Variants in GALNT13 observed in about 807,000 individuals in gnomAD.
GALNT13 encodes polypeptide N-acetylgalactosaminyltransferase 13.
In GALNT13, 28 loss-of-function variants were observed where a neutral mutation model predicts 64.2. That is an observed-to-expected ratio of 0.44 (90% CI 0.32 to 0.60). The LOEUF (loss-of-function observed/expected upper bound fraction) is 0.60. GALNT13 is among the 20% of genes least tolerant of loss of function. The probability of loss-of-function intolerance (pLI) is 0.05; values close to 1 mark genes in which losing one functional copy is unlikely to be tolerated. For synonymous variants in GALNT13, 214 were observed against 224.6 expected, an observed-to-expected ratio of 0.95 and a Z score of 0.42; for missense variants, 577 against 669.8, an observed-to-expected ratio of 0.86 and a Z score of 1.53.
At chr2:153,161,887 T>C in the GALNT13 span, among the ~76,000 whole-genome samples, 2 of 152,202 alleles carry the variant, frequency 1.3e-5, no homozygotes, top group Non-Finnish European at 2.9e-5. Flanking sequence ...TTATGATACT[T>C]GATTATCTAA....
chr2:154,001,923 G>A (rs1323699851), intron 3 of GALNT13, among the ~76,000 whole-genome samples: 2 of 151,880 alleles, frequency 1.3e-5, no homozygotes, highest in Non-Finnish European at 1.5e-5. Context: ...TAGCTTTTCT[G>A]GGTATAATAT....
the GALNT13 span, among the ~76,000 whole-genome samples, chr2:153,358,498 T>C: frequency 5.9e-5 from 9 of 152,146 alleles, no homozygotes; most frequent in Non-Finnish European, 8.8e-5. Context: ...CCTGCACCAA[T>C]GAAGAATTTT....
intron 4 of GALNT13, among the ~76,000 whole-genome samples, chr2:154,228,033 A>G (rs768648787): frequency 2.0e-5 from 3 of 152,016 alleles, no homozygotes; most frequent in Non-Finnish European, 2.9e-5. Context: ...TGATGTTAAC[A>G]TTGTTCTCAA....
At chr2:153,793,657 A>T in the GALNT13 span, among the ~76,000 whole-genome samples, 4 of 116,426 alleles carry the variant, frequency 3.4e-5, no homozygotes, top group African/African-American at 5.7e-5. Flanking sequence ...TTTGCTTTAA[A>T]AAAAAAAAAA....
chr2:154,076,769 C>T (rs1227279170), intron 3 of GALNT13, among the ~76,000 whole-genome samples: 1 of 151,534 alleles, frequency 6.6e-6, no homozygotes, highest in African/African-American at 2.4e-5. Flanking sequence ...AAACATTATA[C>T]TATTGGGTAG....
At chr2:154,201,286 A>T (rs1687154240) in intron 4 of GALNT13, among the ~76,000 whole-genome samples, 1 of 152,096 alleles carries the variant, frequency 6.6e-6, no homozygotes, top group South Asian at 2.1e-4. Context: ...TGAGAGAATA[A>T]TTCTGTCTAG....
At chr2:154,332,729 G>A (rs913073617) in intron 9 of GALNT13, among the ~76,000 whole-genome samples, 3 of 152,028 alleles carry the variant, frequency 2.0e-5, no homozygotes, top group Non-Finnish European at 4.4e-5. Flanking sequence ...CTTTCCCAGA[G>A]AAATGTTACT....
At chr2:154,297,923 TG>T (rs945423635) in intron 8 of GALNT13, among the ~76,000 whole-genome samples, 2 of 151,316 alleles carry the variant, frequency 1.3e-5, no homozygotes, top group Non-Finnish European at 2.9e-5. Context: ...AGAACAGGGG[TG>T]AATCAACAAA....
the GALNT13 span, among the ~76,000 whole-genome samples, chr2:153,423,107 T>C: frequency 6.6e-6 from 1 of 151,866 alleles, no homozygotes; most frequent in Admixed American, 6.6e-5. Flanking sequence ...GATATAAAAA[T>C]AATAGCTTAA....
the GALNT13 span, among the ~76,000 whole-genome samples, chr2:153,332,612 C>T: frequency 0.66 from 100,237 of 150,774 alleles, 34,444 homozygotes; most frequent in Non-Finnish European, 0.75. Flanking sequence ...AGGCTTTGCC[C>T]CTATATCCCT....
intron 4 of GALNT13, among the ~76,000 whole-genome samples, chr2:154,220,730 T>C (rs185233371): frequency 6.6e-6 from 1 of 152,214 alleles, no homozygotes; most frequent in Non-Finnish European, 1.5e-5. Flanking sequence ...AATCATCTTA[T>C]AACAATCAAG....
chr2:153,177,145 T>TGTG, the GALNT13 span, among the ~76,000 whole-genome samples: 152,091 of 152,196 alleles, frequency 1, 75,993 homozygotes, highest in Middle Eastern at 1. Context: ...ATGCAAAACA[T>TGTG]GGAGTAAAAT....
the GALNT13 span, among the ~76,000 whole-genome samples, chr2:153,823,504 A>G: frequency 1.3e-5 from 2 of 152,196 alleles, no homozygotes; most frequent in Non-Finnish European, 2.9e-5. Context: ...AGTTGACAAA[A>G]GCAAACAATG....
At chr2:153,754,978 C>CA in the GALNT13 span, among the ~76,000 whole-genome samples, 1 of 152,094 alleles carries the variant, frequency 6.6e-6, no homozygotes, top group East Asian at 1.9e-4. Context: ...AACAGGATAG[C>CA]ACTGTGTTCA....
At chr2:153,355,624 C>T in the GALNT13 span, among the ~76,000 whole-genome samples, 1 of 152,248 alleles carries the variant, frequency 6.6e-6, no homozygotes, top group South Asian at 2.1e-4. Flanking sequence ...TCAGTTTCAT[C>T]CAGTTACTAA....
chr2:153,323,340 T>TG, the GALNT13 span, among the ~76,000 whole-genome samples: 1,368 of 151,382 alleles, frequency 9.0e-3, 25 homozygotes, highest in East Asian at 0.085. Context: ...TTGATAGGGT[T>TG]TTTTTTTCTT....
the GALNT13 span, among the ~76,000 whole-genome samples, chr2:153,543,237 A>G: frequency 6.6e-6 from 1 of 152,150 alleles, no homozygotes; most frequent in African/African-American, 2.4e-5. Flanking sequence ...ACCACAAAGG[A>G]GACTGAGAAG....
intron 4 of GALNT13, among the ~76,000 whole-genome samples, chr2:154,171,079 G>T (rs748215975): frequency 2.0e-5 from 3 of 152,010 alleles, no homozygotes; most frequent in Non-Finnish European, 4.4e-5. Flanking sequence ...GTATCTTCCT[G>T]GCCCTCTTAG....
the GALNT13 span, among the ~76,000 whole-genome samples, chr2:153,213,989 G>A: frequency 6.6e-6 from 1 of 152,122 alleles, no homozygotes; most frequent in African/African-American, 2.4e-5. Context: ...ATGCAACCCC[G>A]ATGTTAGACA....
Sources: allele counts gnomAD v4.1 joint callset (sites outside exome capture counted in the v4.1 genomes callset), GRCh38; gene constraint gnomAD v4.1.1; transcripts MANE v1.5; gene names NCBI Gene and HGNC (gene_info 2026-07-23, HGNC 2026-07-21).